Variants in NRXN3 observed in about 807,000 individuals in gnomAD.
The protein encoded by NRXN3 is neurexin III.
A neutral mutation model predicts 137.6 loss-of-function variants in NRXN3; 32 were observed. The ratio of observed to expected loss-of-function variants is 0.23; its 90% CI spans 0.18 to 0.31. The LOEUF (loss-of-function observed/expected upper bound fraction) is 0.31. Ranked by LOEUF, NRXN3 falls within the 10% of genes least tolerant of loss-of-function variation. NRXN3 has a pLI of 1.00. For missense variants in NRXN3, 1,574 were observed against 2,062.5 expected, an observed-to-expected ratio of 0.76 and a Z score of 4.59; for synonymous variants, 798 against 784.5, an observed-to-expected ratio of 1.02 and a Z score of -0.29.
chr14:78,327,896 G>A (rs2080296899), intron 4 of NRXN3, among the ~76,000 whole-genome samples: 1 of 152,180 alleles, frequency 6.6e-6, no homozygotes, highest in Admixed American at 6.5e-5. Context: ...CCAGGGGAAT[G>A]TAGAGCAGTT....
chr14:79,223,528 G>T (rs1284329900), intron 15 of NRXN3, among the ~76,000 whole-genome samples: 3 of 151,980 alleles, frequency 2.0e-5, no homozygotes, highest in Non-Finnish European at 2.9e-5. Flanking sequence ...ATCCCTATGA[G>T]CAATTAAATA....
intron 19 of NRXN3, among the ~76,000 whole-genome samples, chr14:79,758,479 T>G (rs774034597): frequency 6.6e-5 from 10 of 152,048 alleles, no homozygotes; most frequent in Admixed American, 1.3e-4. Flanking sequence ...AAGAACTCAC[T>G]CATTACCTCG....
intron 15 of NRXN3, among the ~76,000 whole-genome samples, chr14:79,083,387 C>G (rs771839180): frequency 1.3e-5 from 2 of 152,088 alleles, no homozygotes; most frequent in Non-Finnish European, 2.9e-5. Context: ...AAACAAAGGT[C>G]AGATGAAAAC....
intron 6 of NRXN3, among the ~76,000 whole-genome samples, chr14:78,693,400 CTTGTT>C (rs1009563691): frequency 2.6e-5 from 4 of 151,786 alleles, no homozygotes; most frequent in African/African-American, 7.3e-5. Context: ...TCTCATAAAA[CTTGTT>C]TTGTTTTGTT....
At chr14:79,653,490 C>T (rs1207876868) in intron 16 of NRXN3, among the ~76,000 whole-genome samples, 2 of 151,992 alleles carry the variant, frequency 1.3e-5, no homozygotes, top group South Asian at 4.1e-4. Context: ...TATAACTTTG[C>T]TCCATCTCCT....
At chr14:79,602,681 A>G (rs778544370) in intron 16 of NRXN3, among the ~76,000 whole-genome samples, 1 of 152,214 alleles carries the variant, frequency 6.6e-6, no homozygotes, top group Non-Finnish European at 1.5e-5. Flanking sequence ...ATACTTAACA[A>G]AAGATCTAAC....
chr14:79,584,678 C>T (rs565281101), intron 16 of NRXN3, among the ~76,000 whole-genome samples: 13 of 152,272 alleles, frequency 8.5e-5, no homozygotes, highest in Admixed American at 5.9e-4. Flanking sequence ...ATGGGTACAG[C>T]TTTAGTGCTC....
At chr14:78,458,219 T>C (rs1382504071) in intron 4 of NRXN3, among the ~76,000 whole-genome samples, 4 of 152,222 alleles carry the variant, frequency 2.6e-5, no homozygotes, top group African/African-American at 9.6e-5. Flanking sequence ...ATTTTTACTA[T>C]GCAACCAACC....
chr14:78,946,077 G>T (rs2099364571), intron 10 of NRXN3, among the ~76,000 whole-genome samples: 1 of 152,220 alleles, frequency 6.6e-6, no homozygotes, highest in Non-Finnish European at 1.5e-5. Context: ...CAAAAATAAT[G>T]TAATCAACCA....
chr14:79,308,855 T>TG (rs2086623029), intron 15 of NRXN3, among the ~76,000 whole-genome samples: 1 of 147,894 alleles, frequency 6.8e-6, no homozygotes, highest in South Asian at 2.1e-4. Context: ...TTTTTTTTTT[T>TG]TTTTTTTGTG....
At chr14:79,045,196 G>A (rs1018431479) in intron 15 of NRXN3, among the ~76,000 whole-genome samples, 8 of 152,036 alleles carry the variant, frequency 5.3e-5, no homozygotes, top group African/African-American at 1.9e-4. Flanking sequence ...AGGGGGCACC[G>A]GCTCAGTGTT....
intron 20 of NRXN3, among the ~76,000 whole-genome samples, chr14:79,825,701 A>G (rs2099295626): frequency 6.6e-6 from 1 of 152,132 alleles, no homozygotes. Flanking sequence ...ATAGATTTTC[A>G]TGTTATATAG....
chr14:78,894,337 G>A (rs896422063), intron 10 of NRXN3, among the ~76,000 whole-genome samples: 1 of 151,906 alleles, frequency 6.6e-6, no homozygotes, highest in Non-Finnish European at 1.5e-5. Context: ...AATGTTCACA[G>A]CATCTTTACC....
chr14:79,115,207 C>T (rs1312508698), intron 15 of NRXN3, among the ~76,000 whole-genome samples: 2 of 151,972 alleles, frequency 1.3e-5, no homozygotes, highest in East Asian at 1.9e-4. Flanking sequence ...TGCCTGTAAT[C>T]CCAGCTACTT....
intron 10 of NRXN3, among the ~76,000 whole-genome samples, chr14:78,826,402 A>G (rs1484697910): frequency 6.6e-6 from 1 of 152,196 alleles, no homozygotes; most frequent in East Asian, 1.9e-4. Flanking sequence ...GTAGGCAAGA[A>G]CATTCAAGCC....
At chr14:79,346,390 C>T (rs944464477) in intron 15 of NRXN3, among the ~76,000 whole-genome samples, 14 of 152,110 alleles carry the variant, frequency 9.2e-5, no homozygotes, top group Admixed American at 3.9e-4. Flanking sequence ...TGTTGCACTC[C>T]AGCCTGGGTA....
intron 1 of NRXN3, among the ~76,000 whole-genome samples, 158 bp from the exon 2 acceptor site, chr14:78,242,233 C>T (rs536149215): frequency 1.4e-4 from 22 of 152,310 alleles, no homozygotes; most frequent in African/African-American, 3.6e-4. Flanking sequence ...GAAGAACCCA[C>T]GGCCTCCCTC....
intron 15 of NRXN3, among the ~76,000 whole-genome samples, chr14:79,132,915 G>C (rs1032305632): frequency 6.6e-6 from 1 of 152,144 alleles, no homozygotes; most frequent in Non-Finnish European, 1.5e-5. Context: ...TCCTGAGTTG[G>C]GCCAAGATGG....
At chr14:79,142,646 G>A (rs12436344) in intron 15 of NRXN3, among the ~76,000 whole-genome samples, 4,384 of 152,234 alleles carry the variant, frequency 0.029, 111 homozygotes, top group East Asian at 0.066. Flanking sequence ...GCAATAGATC[G>A]TGTCAGAGAG....
Sources: allele counts gnomAD v4.1 joint callset (sites outside exome capture counted in the v4.1 genomes callset), GRCh38; gene constraint gnomAD v4.1.1; transcripts MANE v1.5; gene names NCBI Gene and HGNC (gene_info 2026-07-23, HGNC 2026-07-21).